USP53: variants seen among roughly 807,000 people sequenced by gnomAD.
USP53 encodes ubiquitin carboxyl-terminal hydrolase 53.
Under a neutral mutation model 94.9 loss-of-function variants are expected in USP53, and 71 were observed. The ratio of observed to expected loss-of-function variants is 0.75; its 90% CI spans 0.62 to 0.91. USP53 has a LOEUF of 0.91. Among genes scored for constraint, USP53 ranks in the 40% least tolerant of loss-of-function variants. The pLI is 0.00. For synonymous variants in USP53, 375 were observed against 422.7 expected (o/e 0.89, Z 1.39); for missense variants, 1,173 against 1,281.0 (o/e 0.92, Z 1.29).
chr4:119,227,300 A>ACACACACACAC (rs1442892298), intron 3 of USP53, among the ~76,000 whole-genome samples: 39 of 43,904 alleles, frequency 8.9e-4, no homozygotes, highest in South Asian at 1.2e-3. Flanking sequence ...CACACACACA[A>ACACACACACAC]ACTTGAAATG....
Position 119,292,559 on chromosome 4 carries a change from A to G in USP53, c.2570A>G (p.Asn857Ser), listed in dbSNP as rs777060493. The G allele has an allele frequency of 2.5e-6, 4 of 1,614,078 alleles. 1 individual carries two copies. In the Admixed American group the frequency reaches 5.0e-5, roughly 20 times the overall value. Residue 857 changes from asparagine (N) to serine (S), a missense_variant, in exon 19 of 19, where the codon AAT becomes AGT. Coordinates refer to ENST00000692078, the MANE Select transcript of USP53 (RefSeq NM_001371395.1). Reference protein sequence around the residue: ...NSASGKRVNSNEPSSLWSSHL... With the variant: ...NSASGKRVNSSEPSSLWSSHL... ...GCTTCTGGGAAGAGAGTGAACAGTAATGAACCATCTTCATTATGGTCTTCA... is the reference window on the plus strand; with the variant it reads ...GCTTCTGGGAAGAGAGTGAACAGTAGTGAACCATCTTCATTATGGTCTTCA...
chr4:119,285,693 G>A (rs1754024433), intron 17 of USP53, among the ~76,000 whole-genome samples: 1 of 151,818 alleles, frequency 6.6e-6, no homozygotes. Flanking sequence ...TCTCTAAGAT[G>A]TTTTTGGCAA....
chr4:119,225,670 C>T (rs984658675), intron 3 of USP53, among the ~76,000 whole-genome samples: 13 of 151,838 alleles, frequency 8.6e-5, no homozygotes, highest in East Asian at 1.9e-4. Context: ...GGCGTGAACC[C>T]GGGAGGTGGA....
At chr4:119,269,353 G>C (rs941176961) in intron 14 of USP53, among the ~76,000 whole-genome samples, 1 of 152,146 alleles carries the variant, frequency 6.6e-6, no homozygotes, top group Non-Finnish European at 1.5e-5. Flanking sequence ...CCAAAATAGA[G>C]ACAGTAATTG....
intron 17 of USP53, among the ~76,000 whole-genome samples, chr4:119,277,625 G>C (rs1485099431): frequency 2.1e-5 from 3 of 140,906 alleles, no homozygotes; most frequent in Non-Finnish European, 4.6e-5. Flanking sequence ...TCTGCTTGGT[G>C]CAGAGCTGAG....
intron 11 of USP53, 97 bp downstream of exon 11, chr4:119,260,750 C>G: frequency 1.4e-6 from 2 of 1,414,286 alleles, no homozygotes; most frequent in South Asian, 2.7e-5. Context: ...TTAATCAAAT[C>G]AGGCTAACTG....
chr4:119,269,620 G>A (rs1454900594), intron 14 of USP53, 71 bp from the exon 15 acceptor site: 2 of 1,061,158 alleles, frequency 1.9e-6, no homozygotes, highest in African/African-American at 1.6e-5. Flanking sequence ...TTTTTATATA[G>A]ATCAATTTTT....
At position 119,212,795 on chromosome 4, in the gene USP53, G is replaced by A; in HGVS notation, c.-1020G>A. ...GTGAAGCGGGGCTGGGCCAGCGGGA[G>A]GTAGCTCTGTGGGAGTGGAAGGCCT... On this transcript the variant is annotated 5_prime_UTR_variant, in exon 1 of 19. Coordinates refer to ENST00000692078, the MANE Select transcript of USP53 (RefSeq NM_001371395.1). 3.3e-6 allele frequency: 1 copy of A among 301,578 alleles called. No homozygotes were observed. Among genetic ancestry groups the A allele is most frequent in the Non-Finnish European group, 6.7e-6 (1 of 148,796 alleles). 18.7% of individuals were successfully genotyped at this position (301,578 alleles called of 1,614,324 possible). A position where few individuals can be genotyped will look rare whatever the true frequency, so the allele number is the denominator to read the frequency against.
chr4:119,256,362 G>A lies in USP53; in HGVS notation c.486+3G>A. 1.2e-6 allele frequency: 2 copies of A among 1,613,614 alleles called. No individual in the cohort carries two copies. Among genetic ancestry groups the A allele is most frequent in the Non-Finnish European group, 1.7e-6 (2 of 1,179,638 alleles). ...TTGCTATGACTCTGTATGAACAGGTGAGATGGCTTGATTATTATTTAGATA... is the reference window on the plus strand; with the variant it reads ...TTGCTATGACTCTGTATGAACAGGTAAGATGGCTTGATTATTATTTAGATA... On this transcript the variant is annotated splice_donor_region_variant and intron_variant, in intron 8 of 18. Coordinates refer to ENST00000692078, the MANE Select transcript of USP53 (RefSeq NM_001371395.1).
At chr4:119,257,259 T>C (rs886207586) in intron 9 of USP53, among the ~76,000 whole-genome samples, 7 of 152,274 alleles carry the variant, frequency 4.6e-5, no homozygotes, top group African/African-American at 1.7e-4. Context: ...CTGGCCAAGA[T>C]GGTGTAACCC....
chr4:119,248,588 T>G (rs926804811), intron 6 of USP53, among the ~76,000 whole-genome samples, 160 bp from the exon 7 acceptor site: 1 of 152,200 alleles, frequency 6.6e-6, no homozygotes, highest in African/African-American at 2.4e-5. Context: ...TTTCTACACT[T>G]GATGATACAA....
chr4:119,293,982 A>G lies in USP53; in HGVS notation c.*771A>G, dbSNP rs1215400810. On this transcript the variant is annotated 3_prime_UTR_variant, in exon 19 of 19. Coordinates refer to ENST00000692078, the MANE Select transcript of USP53 (RefSeq NM_001371395.1). ...GTTAAGATAAATTAGGCCTTTGACT[A>G]TTATAGGTATTCATAAATGCTACTT... 1 of 152,136 alleles carries G rather than the reference A, an allele frequency of 6.6e-6. No homozygotes were observed. The highest frequency in any genetic ancestry group is 1.5e-5 in the Non-Finnish European group (1 of 67,984). 9.4% of individuals were successfully genotyped at this position (152,136 alleles called of 1,614,324 possible).
chr4:119,258,813 C>T (rs1015785134), intron 9 of USP53, among the ~76,000 whole-genome samples: 4 of 152,244 alleles, frequency 2.6e-5, no homozygotes, highest in Admixed American at 6.5e-5. Context: ...TCCCACAACA[C>T]GAAGGAATTT....
At chr4:119,234,685 T>A (rs1376448464) in intron 3 of USP53, among the ~76,000 whole-genome samples, 1 of 152,236 alleles carries the variant, frequency 6.6e-6, no homozygotes, top group Non-Finnish European at 1.5e-5. Flanking sequence ...AAACCTTAAT[T>A]TGTATGCAAG....
At chr4:119,281,662 A>C (rs74890282) in intron 17 of USP53, among the ~76,000 whole-genome samples, 4,195 of 152,298 alleles carry the variant, frequency 0.028, 73 homozygotes, top group South Asian at 0.071. Context: ...ACTTGTTACA[A>C]AATGATGCTT....
At position 119,271,800 on chromosome 4, in the gene USP53, A is replaced by G. The variant is rs190903270; in HGVS notation, c.1940A>G (p.Lys647Arg). 309 of 1,612,588 alleles carry G rather than the reference A, an allele frequency of 1.9e-4. No homozygotes were observed. The African/African-American group carries it at 3.7e-3, about 19-fold the overall frequency. Residue 647 changes from lysine to arginine, a missense_variant, in exon 16 of 19, where the codon AAG becomes AGG. By Grantham distance (26) the Lys-to-Arg change is conservative. Coordinates refer to ENST00000692078, the MANE Select transcript of USP53 (RefSeq NM_001371395.1). The stretch of plus-strand genomic sequence containing the variant: ...ATGACCATATATGAAGATGAAATGA[A>G]GCAGGAAATAGGAAGCAGAAGTTCC... The part of the protein sequence containing the change: ...GLMTIYEDEM[K>R]QEIGSRSSLE...
rs1033171035 is a variant in USP53, at chr4:119,237,403, G to A, written c.-542-1815G>A. ...AGGTGGCCGCCCCCTCGCCCGTCAC[G>A]CAATGCATGTTCGTGGGGAACCTGG... On this transcript the variant is annotated intron_variant, in intron 4 of 18. Transcript: ENST00000692078. 4.6e-5 allele frequency among the ~76,000 whole-genome samples: 7 copies of A among 152,268 alleles called. No individual in the cohort carries two copies. In the East Asian group the frequency reaches 7.7e-4, roughly 17 times the overall value.
In USP53 at chr4:119,294,361, A is replaced by G. The variant is rs1708451204; in HGVS notation, c.*1150A>G. 1 of 152,098 alleles carries G rather than the reference A, an allele frequency of 6.6e-6. No homozygotes were observed. The highest frequency in any genetic ancestry group is 1.5e-5 in the Non-Finnish European group (1 of 67,958). The allele number at this position is 152,098 out of a possible 1,614,324, so 9.4% of individuals were successfully genotyped here. ...CATCCTTCCCTTTTATTCTACTTTG[A>G]ACAAATAGTAATTTTACCCCAACTA... On this transcript the variant is annotated 3_prime_UTR_variant, in exon 19 of 19. Transcript: ENST00000692078.
intron 2 of USP53, among the ~76,000 whole-genome samples, chr4:119,215,544 C>A (rs937217033): frequency 6.6e-6 from 1 of 152,028 alleles, no homozygotes; most frequent in Non-Finnish European, 1.5e-5. Flanking sequence ...AACCAAAAGC[C>A]CATGATTAGA....
Sources: allele counts gnomAD v4.1 joint callset (sites outside exome capture counted in the v4.1 genomes callset), GRCh38; gene constraint gnomAD v4.1.1; transcripts MANE v1.5; gene names NCBI Gene and HGNC (gene_info 2026-07-23, HGNC 2026-07-21).